RNASET2: variants seen among roughly 807,000 people sequenced by gnomAD.
RNASET2 encodes ribonuclease 6.
Under a neutral mutation model 33.9 loss-of-function variants are expected in RNASET2, and 28 were observed. That is an observed-to-expected ratio of 0.83 (90% CI 0.61 to 1.13). The LOEUF (loss-of-function observed/expected upper bound fraction) is 1.13. Ranked by LOEUF, RNASET2 falls within the 50% of genes most tolerant of loss-of-function variation. RNASET2 has a pLI of 0.00. For synonymous variants in RNASET2, 123 were observed against 121.0 expected, an observed-to-expected ratio of 1.02 and a Z score of -0.11; for missense variants, 330 against 319.9, an observed-to-expected ratio of 1.03 and a Z score of -0.24.
chr6:166,954,738 G>C (rs1779064402), intron 1 of RNASET2, among the ~76,000 whole-genome samples: 1 of 152,222 alleles, frequency 6.6e-6, no homozygotes, highest in South Asian at 2.1e-4. Flanking sequence ...CCCTGGCCGG[G>C]TGCAGTGGCT....
Position 166,931,132 on chromosome 6 carries a change from C to G in RNASET2, c.493-14G>C, listed in dbSNP as rs368698284. ...AAAATCTGCAACCTGATTTTAAATA[C>G]AAGTGTATTAGAAATTAAACTTCAA... is the stretch of plus-strand genomic sequence containing the variant. On this transcript the variant is annotated splice_polypyrimidine_tract_variant and intron_variant, in intron 7 of 8. Coordinates refer to ENST00000508775, the MANE Select transcript of RNASET2 (RefSeq NM_003730.6). 6.5e-7 allele frequency: 1 copy of G among 1,549,170 alleles called. No individual in the cohort carries two copies. The highest frequency in any genetic ancestry group is 8.9e-7 in the Non-Finnish European group (1 of 1,120,922).
Position 166,926,924 on chromosome 6 carries a change from T to C in RNASET2, c.*2664A>G, listed in dbSNP as rs1778314085. ...CGGGCCAGCTGCCCCTCCTGGCTGC[T>C]CTCCATCCTGAGATGCGCCTGCTCC... On this transcript the variant is annotated 3_prime_UTR_variant, in exon 9 of 9. Coordinates refer to ENST00000508775, the MANE Select transcript of RNASET2 (RefSeq NM_003730.6). 6.6e-6 allele frequency among the ~76,000 whole-genome samples: 1 copy of C among 152,104 alleles called. No individual in the cohort carries two copies.
intron 2 of RNASET2, among the ~76,000 whole-genome samples, chr6:166,951,104 G>A (rs1222696744): frequency 6.6e-6 from 1 of 152,232 alleles, no homozygotes; most frequent in East Asian, 1.9e-4. Flanking sequence ...CATCTCCAAT[G>A]ACTGATAAGG....
rs1230977284 is a variant in RNASET2, at chr6:166,929,588, T to A, written c.771A>T (p.Ter257CysextTer10). ...FYPPPKKTKH[*>C] ...ACAGAATATTTCCAAAACTTGGGCA[T>A]CAATGCTTGGTCTTTTTAGGTGGGG... is the stretch of plus-strand genomic sequence containing the variant. The change falls in exon 9 of 9, where the codon TGA (stop) becomes TGT (cysteine). Residue 257 changes from the stop codon to cysteine (C), a stop_lost. Coordinates refer to ENST00000508775, the MANE Select transcript of RNASET2 (RefSeq NM_003730.6). 6.2e-7 allele frequency: 1 copy of A among 1,614,110 alleles called. No homozygotes were observed. Among genetic ancestry groups the A allele is most frequent in the Middle Eastern group, 1.6e-4 (1 of 6,062 alleles).
rs9295382 is a variant in RNASET2 at position 166,925,642 on chromosome 6, T to C, written c.*3946A>G. Among the ~76,000 whole-genome samples the C allele has an allele frequency of 0.098, 14,926 of 152,280 alleles. 874 individuals carry two copies. The highest frequency in any genetic ancestry group is 0.16 in the African/African-American group (6,813 of 41,526). ...ACGGCCCTCCCCTGTGCCATCCAGC[T>C]GGCATCTTCTATGTAACACAACAAG... On this transcript the variant is annotated 3_prime_UTR_variant, in exon 9 of 9. Coordinates refer to ENST00000508775, the MANE Select transcript of RNASET2 (RefSeq NM_003730.6).
chr6:166,939,229 G>A (rs981430085), intron 5 of RNASET2, among the ~76,000 whole-genome samples: 3 of 152,146 alleles, frequency 2.0e-5, no homozygotes, highest in African/African-American at 4.8e-5. Context: ...AGCTACTCAG[G>A]AGGCTGAGGA....
At position 166,956,139 on chromosome 6, in the gene RNASET2, C is replaced by G. The variant is rs1466640652; in HGVS notation, c.44G>C (p.Cys15Ser). 1 of 1,551,422 alleles carries G rather than the reference C, an allele frequency of 6.4e-7. No homozygotes were observed. The highest frequency in any genetic ancestry group is 1.4e-5 in the African/African-American group (1 of 73,078). Residue 15 changes from cysteine (C) to serine (S), a missense_variant, in exon 1 of 9, where the codon TGC becomes TCC. Cys to Ser is a moderately radical substitution (Grantham distance 112). Transcript: ENST00000508775. ...ALRGALLGCL[C>S]LALLCLGGAD... ...ACCGCCCAGGCAAAGCAACGCCAGG[C>G]AGAGGCAGCCCAGCAGGGCCCCGCG... is the stretch of plus-strand genomic sequence containing the variant.
In RNASET2 at chr6:166,924,973, C is replaced by T. The variant is rs1778282044; in HGVS notation, c.*4615G>A. ...TCTTGATTTAGTGGCAGGAGAAGTACAGGCCTCACCTCCACCGCGCAGGCC... is the reference window on the plus strand; with the variant it reads ...TCTTGATTTAGTGGCAGGAGAAGTATAGGCCTCACCTCCACCGCGCAGGCC... On this transcript the variant is annotated 3_prime_UTR_variant, in exon 9 of 9. Coordinates refer to ENST00000508775, the MANE Select transcript of RNASET2 (RefSeq NM_003730.6). Among the ~76,000 whole-genome samples, 1 of 152,122 alleles carries T rather than the reference C, an allele frequency of 6.6e-6. No individual in the cohort carries two copies. The highest frequency in any genetic ancestry group is 2.1e-4 in the South Asian group (1 of 4,830).
chr6:166,930,861 A>G (rs1440971057), intron 8 of RNASET2, among the ~76,000 whole-genome samples, 183 bp downstream of exon 8: 5 of 151,826 alleles, frequency 3.3e-5, no homozygotes, highest in Non-Finnish European at 4.4e-5. Context: ...ACATGCACAC[A>G]CAGCACATGC....
chr6:166,955,482 A>G (rs934662304), intron 1 of RNASET2: 1 of 986,862 alleles, frequency 1.0e-6, no homozygotes, highest in Non-Finnish European at 1.2e-6. Flanking sequence ...AAGAGGAAGA[A>G]CCGTCGTTTC....
intron 2 of RNASET2, among the ~76,000 whole-genome samples, chr6:166,950,542 T>A (rs2128647164): frequency 6.6e-6 from 1 of 152,392 alleles, no homozygotes. Flanking sequence ...AAAGCCTGCG[T>A]GCTCCTGACA....
At chr6:166,942,058 C>CTTTT (rs61635852) in intron 5 of RNASET2, among the ~76,000 whole-genome samples, 2 of 127,218 alleles carry the variant, frequency 1.6e-5, no homozygotes, top group African/African-American at 3.1e-5. Context: ...AAGACATCTT[C>CTTTT]TTTTTTTTTT....
chr6:166,955,205 ACACGCACGCACACACGCG>A (rs1779085075), intron 1 of RNASET2, among the ~76,000 whole-genome samples: 1 of 111,134 alleles, frequency 9.0e-6, no homozygotes, highest in Non-Finnish European at 1.7e-5. Flanking sequence ...ACGCACGCAC[ACACGCACGCACACACGCG>A]CACACACGCA....
At chr6:166,940,168 T>C (rs1778662333) in intron 5 of RNASET2, among the ~76,000 whole-genome samples, 1 of 152,228 alleles carries the variant, frequency 6.6e-6, no homozygotes, top group Admixed American at 6.5e-5. Flanking sequence ...TTATCATCTT[T>C]AGCATGAAAA....
intron 1 of RNASET2, 31 bp from the exon 2 acceptor site, chr6:166,952,579 G>A (rs185143113): frequency 6.3e-7 from 1 of 1,575,654 alleles, no homozygotes; most frequent in East Asian, 2.2e-5. Context: ...TATTTTTCAA[G>A]AACTTTTTTT....
chr6:166,931,201 G>A, intron 7 of RNASET2, 83 bp from the exon 8 acceptor site: 1 of 998,650 alleles, frequency 1.0e-6, no homozygotes, highest in Non-Finnish European at 1.6e-6. Flanking sequence ...GCGCAACAGT[G>A]GCAGGGTCCT....
chr6:166,947,717 C>A (rs143880002), intron 3 of RNASET2, among the ~76,000 whole-genome samples: 2 of 152,198 alleles, frequency 1.3e-5, no homozygotes, highest in Non-Finnish European at 2.9e-5. Flanking sequence ...CCACCAATCC[C>A]TCTTCCTAAG....
At chr6:166,952,803 G>C (rs1779020360) in intron 1 of RNASET2, 1 of 464,016 alleles carries the variant, frequency 2.2e-6, no homozygotes, top group Admixed American at 3.3e-5. Context: ...GAGAGGAGGG[G>C]AAGCGGAGGC....
intron 4 of RNASET2, chr6:166,943,384 G>C (rs1423755978): frequency 5.5e-6 from 2 of 366,474 alleles, no homozygotes; most frequent in East Asian, 7.0e-5. Context: ...ATGAGCCGTC[G>C]AGTCATGAAA....
Sources: gnomAD v4.1 joint callset for allele counts (sites outside exome capture counted in the v4.1 genomes callset) on GRCh38, gnomAD v4.1.1 for gene constraint, MANE v1.5 for transcripts, NCBI Gene and HGNC (gene_info 2026-07-23, HGNC 2026-07-21) for gene names.